TBC1D8: variants seen among roughly 807,000 people sequenced by gnomAD.
The protein encoded by TBC1D8 is BUB2-like protein 1.
In TBC1D8, 65 loss-of-function variants were observed where a neutral mutation model predicts 118.8. The observed-to-expected ratio is 0.55, with a 90% CI of 0.45 to 0.67. TBC1D8 has a LOEUF of 0.67. TBC1D8 is among the 30% of genes least tolerant of loss of function. The probability of loss-of-function intolerance (pLI) is 0.00; values close to 1 mark genes in which losing one functional copy is unlikely to be tolerated. For synonymous variants in TBC1D8, 566 were observed against 595.8 expected (o/e 0.95, Z 0.73); for missense variants, 1,376 against 1,471.2 (o/e 0.94, Z 1.06).
intron 2 of TBC1D8, among the ~76,000 whole-genome samples, chr2:101,084,778 A>C (rs946221601): frequency 2.6e-5 from 4 of 152,098 alleles, no homozygotes; most frequent in African/African-American, 9.7e-5. Context: ...GGCAGGCAAC[A>C]AACATTTCAA....
At chr2:101,012,286 C>CA (rs757343579) in intron 17 of TBC1D8, among the ~76,000 whole-genome samples, 23 of 151,974 alleles carry the variant, frequency 1.5e-4, no homozygotes, top group South Asian at 1.5e-3. Flanking sequence ...TCATAGTAGC[C>CA]AAAAAAACAC....
At chr2:101,102,874 A>T (rs553328836) in intron 1 of TBC1D8, among the ~76,000 whole-genome samples, 71 of 151,720 alleles carry the variant, frequency 4.7e-4, no homozygotes, top group Non-Finnish European at 4.4e-5. Flanking sequence ...AAAAAAAATA[A>T]AATTAAAAAA....
intron 17 of TBC1D8, among the ~76,000 whole-genome samples, chr2:101,015,243 G>T (rs1391976966): frequency 6.6e-6 from 1 of 150,432 alleles, no homozygotes; most frequent in South Asian, 2.1e-4. Flanking sequence ...TGGTATAAAA[G>T]AAAAAAAAAT....
chr2:101,124,599 G>C (rs968426537), intron 1 of TBC1D8, among the ~76,000 whole-genome samples: 5 of 152,154 alleles, frequency 3.3e-5, no homozygotes, highest in Admixed American at 6.5e-5. Context: ...AGGTCAGTTA[G>C]GGTTATCCCC....
chr2:101,132,638 G>A (rs531682545), intron 1 of TBC1D8, among the ~76,000 whole-genome samples: 1 of 152,292 alleles, frequency 6.6e-6, no homozygotes, highest in East Asian at 1.9e-4. Context: ...GCCCAGGCTG[G>A]AGTGCAGTGG....
At chr2:101,023,762 C>A in intron 15 of TBC1D8, 1 of 290,074 alleles carries the variant, frequency 3.4e-6, no homozygotes, top group South Asian at 3.1e-5. Context: ...TCTCTTTGGA[C>A]ATCCCAATTC....
chr2:101,144,209 GGA>G (rs1475577128), intron 1 of TBC1D8, among the ~76,000 whole-genome samples: 2 of 152,184 alleles, frequency 1.3e-5, no homozygotes, highest in African/African-American at 4.8e-5. Flanking sequence ...TAAAGGCACA[GGA>G]GAGAGGGGCA....
In TBC1D8 at chr2:101,039,546, T is replaced by C. The variant is rs183707126; in HGVS notation, c.1080+632A>G. Among the ~76,000 whole-genome samples, 435 of 152,326 alleles carry C rather than the reference T, an allele frequency of 2.9e-3. 5 individuals are homozygous for C. Among genetic ancestry groups the C allele is most frequent in the African/African-American group, 0.01 (417 of 41,574 alleles). ...AAAGAAGAATCTGGAGGTCCTGACG[T>C]GTAAACAGAGTTGTGGGTACCATCT... On this transcript the variant is annotated intron_variant, in intron 6 of 19. Coordinates refer to ENST00000409318, the MANE Select transcript of TBC1D8 (RefSeq NM_001330348.2).
intron 1 of TBC1D8, among the ~76,000 whole-genome samples, chr2:101,111,448 C>T (rs1324833298): frequency 1.3e-5 from 2 of 152,172 alleles, no homozygotes; most frequent in Admixed American, 6.5e-5. Flanking sequence ...ATCCACAACA[C>T]GAATGCCTGA....
intron 1 of TBC1D8, among the ~76,000 whole-genome samples, chr2:101,100,434 T>C (rs1378031406): frequency 6.6e-6 from 1 of 152,210 alleles, no homozygotes; most frequent in African/African-American, 2.4e-5. Context: ...ATGGCCATAC[T>C]GCTCCAAGAA....
chr2:101,103,478 G>C (rs566717325), intron 1 of TBC1D8, among the ~76,000 whole-genome samples: 4 of 149,144 alleles, frequency 2.7e-5, no homozygotes, highest in Non-Finnish European at 5.9e-5. Context: ...TGCAAGCTCC[G>C]CCTCCCAGGT....
intron 2 of TBC1D8, among the ~76,000 whole-genome samples, chr2:101,066,944 CA>C (rs543680787): frequency 0.012 from 1,411 of 114,622 alleles, 7 homozygotes; most frequent in African/African-American, 0.037. Context: ...GAGAGTATCC[CA>C]AAAAAAAAAA....
At chr2:101,016,082 TTAAAC>T (rs1679612196) in intron 17 of TBC1D8, among the ~76,000 whole-genome samples, 1 of 151,934 alleles carries the variant, frequency 6.6e-6, no homozygotes. Flanking sequence ...TGGGATCTAA[TTAAAC>T]TAAAGAGCTT....
rs989140793 is a variant in TBC1D8, at chr2:101,013,385, GT to G, written c.2828-1846del. ...TCTTTTTACATGAGATATTTGGGCT[GT>G]TTAAACATGACCTTATTTTTCATTC... On this transcript the variant is annotated intron_variant, in intron 17 of 19. Coordinates refer to ENST00000409318, the MANE Select transcript of TBC1D8 (RefSeq NM_001330348.2). 1.4e-4 allele frequency among the ~76,000 whole-genome samples: 21 copies of G among 152,328 alleles called. No individual in the cohort carries two copies. In the East Asian group the frequency reaches 4.1e-3, roughly 29 times the overall value.
intron 2 of TBC1D8, among the ~76,000 whole-genome samples, chr2:101,078,636 G>A (rs745649828): frequency 1.7e-4 from 25 of 150,098 alleles, no homozygotes; most frequent in Non-Finnish European, 2.5e-4. Context: ...CAGTCCTCAC[G>A]CATGTACACA....
At chr2:101,044,017 C>T (rs1002012301) in intron 5 of TBC1D8, among the ~76,000 whole-genome samples, 3 of 152,310 alleles carry the variant, frequency 2.0e-5, no homozygotes, top group Middle Eastern at 6.8e-3. Flanking sequence ...ACCCAGTGCA[C>T]CTGCTGCCTG....
chr2:101,033,443 C>T lies in TBC1D8; in HGVS notation c.1818+101G>A, dbSNP rs936541478. ...CGAGTACAGCGCCTTCACACGACAA[C>T]ACTCAGGACCAGATGACTGGGAATG... On this transcript the variant is annotated intron_variant, in intron 10 of 19. Coordinates refer to ENST00000409318, the MANE Select transcript of TBC1D8 (RefSeq NM_001330348.2). 3 of 1,425,216 alleles carry T rather than the reference C, an allele frequency of 2.1e-6. No individual in the cohort carries two copies. In the African/African-American group the frequency reaches 4.2e-5, roughly 20 times the overall value. The allele number at this position is 1,425,216 out of a possible 1,614,324, so 88.3% of individuals were successfully genotyped here. A position where few individuals can be genotyped will look rare whatever the true frequency, so the allele number is the denominator to read the frequency against.
chr2:101,022,206 C>T (rs1680070543), intron 16 of TBC1D8, 75 bp downstream of exon 16: 7 of 1,596,666 alleles, frequency 4.4e-6, no homozygotes, highest in East Asian at 4.5e-5. Flanking sequence ...CTGCCTGCTC[C>T]GAAGATCCAC....
chr2:101,007,701 T>A lies in TBC1D8; in HGVS notation c.*120A>T. The A allele has an allele frequency of 9.7e-7, 1 of 1,027,984 alleles. No homozygotes were observed. Among genetic ancestry groups the A allele is most frequent in the Non-Finnish European group, 1.4e-6 (1 of 697,722 alleles). 63.7% of individuals were successfully genotyped at this position (1,027,984 alleles called of 1,614,324 possible). On this transcript the variant is annotated 3_prime_UTR_variant, in exon 20 of 20. Transcript: ENST00000409318. ...CCCTGGCCACAGTTTGTCAGGTTGTTTAGCCAGATGCCCCATTGGTAAGGT... is the reference window on the plus strand; with the variant it reads ...CCCTGGCCACAGTTTGTCAGGTTGTATAGCCAGATGCCCCATTGGTAAGGT...
Sources: allele counts gnomAD v4.1 joint callset (sites outside exome capture counted in the v4.1 genomes callset), GRCh38; gene constraint gnomAD v4.1.1; transcripts MANE v1.5; gene names NCBI Gene and HGNC (gene_info 2026-07-23, HGNC 2026-07-21).